The following L3MBTL1 variants were observed in gnomAD, a reference collection of about 807,000 sequenced individuals.
L3MBTL1 encodes L3MBTL histone methyl-lysine binding protein 1.
In L3MBTL1, 75 loss-of-function variants were observed where a neutral mutation model predicts 105.3. The observed-to-expected ratio is 0.71, with a 90% CI of 0.59 to 0.86. The LOEUF (loss-of-function observed/expected upper bound fraction) is 0.86, where lower values mean the gene tolerates loss of function less well. Among genes scored for constraint, L3MBTL1 ranks in the 40% least tolerant of loss-of-function variants. The pLI, the probability that L3MBTL1 is intolerant of heterozygous loss-of-function variation, is 0.00. For synonymous variants in L3MBTL1, 452 were observed against 436.2 expected, an observed-to-expected ratio of 1.04 and a Z score of -0.45; for missense variants, 1,069 against 1,126.4, an observed-to-expected ratio of 0.95 and a Z score of 0.73.
In L3MBTL1 at chr20:43,514,702, G is replaced by T; in HGVS notation, c.428G>T (p.Arg143Leu). ...GAGCAGCCCCCGAGCCCCGAGCTGC[G>T]GCAGGAAGGCGTGACCGAATACGAA... is the stretch of plus-strand genomic sequence containing the variant. ...GVEQPPSPEL[R>L]QEGVTEYEDG... The change falls in exon 4 of 22, where the codon CGG (arginine) becomes CTG (leucine). Residue 143 changes from arginine to leucine, a missense_variant. Transcript: ENST00000418998. The T allele has an allele frequency of 6.3e-7, 1 of 1,583,614 alleles. No homozygotes were observed. The highest frequency in any genetic ancestry group is 8.6e-7 in the Non-Finnish European group (1 of 1,165,208).
At chr20:43,535,987 G>T in intron 17 of L3MBTL1, 51 bp downstream of exon 17, 1 of 1,587,562 alleles carries the variant, frequency 6.3e-7, no homozygotes, top group Non-Finnish European at 8.6e-7. Flanking sequence ...TGCACTTACT[G>T]CATGCAGGCG....
At chr20:43,533,491 G>C in intron 13 of L3MBTL1, 73 bp downstream of exon 13, 5 of 1,286,208 alleles carry the variant, frequency 3.9e-6, no homozygotes, top group Non-Finnish European at 5.5e-6. Flanking sequence ...CCCCTCACCA[G>C]TAGTGCCCCA....
rs758348482 is a variant in L3MBTL1 at position 43,536,256 on chromosome 20, A to G, written c.2085A>G (p.Ser695=). The G allele has an allele frequency of 2.5e-6, 4 of 1,612,318 alleles. No homozygotes were observed. In the South Asian group the frequency reaches 3.3e-5, roughly 13 times the overall value. The change falls in exon 18 of 22, where the codon TCA becomes TCG. Residue 695 remains serine, a synonymous_variant. Transcript: ENST00000418998. ...SEASARKKNL[S]GFSPRKKPRH... is the part of the protein sequence containing the mutation. ...CCTCAGCCCGCAAGAAGAACCTCTCAGGCTTCTCCCCAAGGAAGAAGCCTC... is the reference window on the plus strand; with the variant it reads ...CCTCAGCCCGCAAGAAGAACCTCTCGGGCTTCTCCCCAAGGAAGAAGCCTC...
chr20:43,532,884 C>A lies in L3MBTL1; in HGVS notation c.1396C>A (p.Leu466Met). The change falls in exon 12 of 22, where the codon CTG (leucine) becomes ATG (methionine). Residue 466 changes from leucine (L) to methionine (M), a missense_variant. Leu to Met is a conservative substitution (Grantham distance 15). Coordinates refer to ENST00000418998, the MANE Select transcript of L3MBTL1 (RefSeq NM_001377303.1). ...SVTDVVDSRF[L>M]VHFDNWDDTY... ...GACCGATGTGGTGGACAGCCGCTTC[C>A]TGGTGCACTTTGACAACTGGGATGA... 1 of 1,614,148 alleles carries A rather than the reference C, an allele frequency of 6.2e-7. No individual in the cohort carries two copies. Among genetic ancestry groups the A allele is most frequent in the Non-Finnish European group, 8.5e-7 (1 of 1,180,024 alleles).
At chr20:43,539,873 C>T in intron 19 of L3MBTL1, 1 of 534,292 alleles carries the variant, frequency 1.9e-6, no homozygotes, top group Non-Finnish European at 3.4e-6. Flanking sequence ...AGTATCCTTG[C>T]AGGGCCCAGG....
chr20:43,522,171 A>G (rs773677145), intron 7 of L3MBTL1, among the ~76,000 whole-genome samples: 8 of 152,144 alleles, frequency 5.3e-5, no homozygotes, highest in Non-Finnish European at 8.8e-5. Flanking sequence ...CCTGGCCAAC[A>G]TGGTGAAACC....
intron 1 of L3MBTL1, among the ~76,000 whole-genome samples, chr20:43,508,866 G>C (rs1215225913): frequency 6.6e-6 from 1 of 152,214 alleles, no homozygotes; most frequent in Non-Finnish European, 1.5e-5. Flanking sequence ...GCCCTGCAGA[G>C]GTGTTCCAAA....
intron 7 of L3MBTL1, among the ~76,000 whole-genome samples, chr20:43,522,780 CTTTT>C (rs541049478): frequency 2.5e-5 from 3 of 118,092 alleles, no homozygotes; most frequent in African/African-American, 9.5e-5. Context: ...CCAACGGTGT[CTTTT>C]TTTTTTTTTT....
chr20:43,534,158 G>C (rs2019482854), intron 14 of L3MBTL1, 65 bp downstream of exon 14: 42 of 1,558,418 alleles, frequency 2.7e-5, no homozygotes, highest in Non-Finnish European at 3.6e-5. Flanking sequence ...AGCTAGCCAG[G>C]CTGGGGCCCT....
intron 7 of L3MBTL1, among the ~76,000 whole-genome samples, chr20:43,527,855 G>A (rs1469105366): frequency 1.3e-5 from 2 of 152,122 alleles, no homozygotes; most frequent in Non-Finnish European, 2.9e-5. Context: ...AAGTAGCTGG[G>A]ACTACAGGCG....
At chr20:43,515,931 G>A (rs41310012) in intron 6 of L3MBTL1, 162 bp from the exon 7 acceptor site, 6,617 of 604,066 alleles carry the variant, frequency 0.011, 63 homozygotes, top group Middle Eastern at 0.029. Context: ...ATAGGGGGAT[G>A]TCTGCTGGAG....
At chr20:43,533,058 T>C in intron 12 of L3MBTL1, 134 bp downstream of exon 12, 4 of 872,496 alleles carry the variant, frequency 4.6e-6, no homozygotes, top group Non-Finnish European at 7.1e-6. Context: ...TGGAAGATAA[T>C]TGAATTGAGC....
chr20:43,531,220 C>A (rs930788009), intron 11 of L3MBTL1: 1 of 264,610 alleles, frequency 3.8e-6, no homozygotes. Flanking sequence ...CTCTGCAGTT[C>A]TTTGGTGTAA....
intron 1 of L3MBTL1, among the ~76,000 whole-genome samples, 176 bp downstream of exon 1, chr20:43,507,920 G>T (rs555661030): frequency 6.6e-6 from 1 of 152,156 alleles, no homozygotes; most frequent in African/African-American, 2.4e-5. Flanking sequence ...CGGGGAAAGC[G>T]GTCTGGGCGG....
intron 11 of L3MBTL1, 153 bp from the exon 12 acceptor site, chr20:43,532,620 G>A: frequency 2.6e-6 from 2 of 783,352 alleles, no homozygotes; most frequent in African/African-American, 1.7e-5. Context: ...ATTCTGCCCT[G>A]GAGGGCCCTC....
chr20:43,523,323 G>GTGGA lies in L3MBTL1; in HGVS notation c.863-5334_863-5333insTGGA, dbSNP rs768705590. On this transcript the variant is annotated intron_variant, in intron 7 of 21. Transcript: ENST00000418998. ...ACTGGTACCTGCAATTAAACCTGGAGACATAAATTTTCCAGAGTGGTAGAA... is the reference window on the plus strand; with the variant it reads ...ACTGGTACCTGCAATTAAACCTGGAGTGGAACATAAATTTTCCAGAGTGGTAGAA... The GTGGA allele has an allele frequency of 2.1e-3, 453 of 217,186 alleles. 1 individual carries two copies. Among genetic ancestry groups the GTGGA allele is most frequent in the Non-Finnish European group, 3.8e-3 (387 of 100,982 alleles). 13.5% of individuals were successfully genotyped at this position (217,186 alleles called of 1,614,324 possible).
At chr20:43,509,278 G>A (rs989015584) in intron 1 of L3MBTL1, among the ~76,000 whole-genome samples, 1 of 151,564 alleles carries the variant, frequency 6.6e-6, no homozygotes, top group African/African-American at 2.4e-5. Flanking sequence ...AGGCTCGAGT[G>A]TAGTGGTGTG....
In L3MBTL1 at chr20:43,532,824, C is replaced by T. The variant is rs748183406; in HGVS notation, c.1336C>T (p.Arg446Cys). 10 of 1,614,076 alleles carry T rather than the reference C, an allele frequency of 6.2e-6. No homozygotes were observed. In the African/African-American group the frequency reaches 8.0e-5, roughly 13 times the overall value. The part of the protein sequence containing the change: ...QVGMKLEAVD[R>C]MNPSLVCVAS... Reference sequence around the variant, plus strand: ...GGGCATGAAGCTGGAGGCTGTTGACCGCATGAACCCGTCCCTTGTCTGCGT... The same window carrying T: ...GGGCATGAAGCTGGAGGCTGTTGACTGCATGAACCCGTCCCTTGTCTGCGT... The change falls in exon 12 of 22, where the codon CGC (arginine) becomes TGC (cysteine). Residue 446 changes from arginine to cysteine, a missense_variant. Coordinates refer to ENST00000418998, the MANE Select transcript of L3MBTL1 (RefSeq NM_001377303.1).
intron 2 of L3MBTL1, 71 bp from the exon 3 acceptor site, chr20:43,513,767 C>T (rs1253878874): frequency 4.6e-6 from 7 of 1,531,256 alleles, no homozygotes; most frequent in Non-Finnish European, 5.3e-6. Context: ...CATGCCTACA[C>T]ATGCATGGCC....
Sources: allele counts gnomAD v4.1 joint callset (sites outside exome capture counted in the v4.1 genomes callset), GRCh38; gene constraint gnomAD v4.1.1; transcripts MANE v1.5; gene names NCBI Gene and HGNC (gene_info 2026-07-23, HGNC 2026-07-21).